KLHL29: variants seen among roughly 807,000 people sequenced by gnomAD.
The protein encoded by KLHL29 is kelch like family member 29.
KLHL29 carries 21 observed loss-of-function variants against 80.4 expected under a neutral mutation model. The ratio of observed to expected loss-of-function variants is 0.26; its 90% CI spans 0.19 to 0.38. The LOEUF (loss-of-function observed/expected upper bound fraction) is 0.38. KLHL29 is among the 10% of genes least tolerant of loss of function. The pLI, the probability that KLHL29 is intolerant of heterozygous loss-of-function variation, is 1.00. For missense variants in KLHL29, 867 were observed against 1,223.9 expected (o/e 0.71, Z 4.35); for synonymous variants, 511 against 526.8 (o/e 0.97, Z 0.41).
rs1671985053 is a variant in KLHL29, at chr2:23,696,741, G to A, written c.2105+228G>A. ...GTCACCTTTGCAGTCGCTGAGATGG[G>A]AGATGGGGCGCTTCTGTCCCGACAA... On this transcript the variant is annotated intron_variant, in intron 11 of 13. Coordinates refer to ENST00000486442, the MANE Select transcript of KLHL29 (RefSeq NM_052920.2). This position sits in a 1 kb window ranked among gnomAD's most constrained non-coding sequence, Gnocchi z 5.5. 4.2e-6 allele frequency: 2 copies of A among 481,106 alleles called. No homozygotes were observed. Among genetic ancestry groups the A allele is most frequent in the Non-Finnish European group, 7.3e-6 (2 of 274,074 alleles). The allele number at this position is 481,106 out of a possible 1,614,324, so 29.8% of individuals were successfully genotyped here.
At chr2:23,458,146 G>C (rs989373037) in intron 1 of KLHL29, among the ~76,000 whole-genome samples, 4 of 152,222 alleles carry the variant, frequency 2.6e-5, no homozygotes, top group African/African-American at 9.6e-5. Flanking sequence ...CCCCAGAGAG[G>C]GCCCGTTTGA....
At chr2:23,588,866 C>G (rs762577994) in intron 3 of KLHL29, among the ~76,000 whole-genome samples, 1 of 152,146 alleles carries the variant, frequency 6.6e-6, no homozygotes, top group South Asian at 2.1e-4. Flanking sequence ...TCCGGTTAAG[C>G]CTGCCGAGAG....
chr2:23,501,364 G>A (rs539938666), intron 2 of KLHL29, among the ~76,000 whole-genome samples: 18 of 152,176 alleles, frequency 1.2e-4, no homozygotes, highest in African/African-American at 4.1e-4. Flanking sequence ...CTGGTCCCGG[G>A]GAAAGAGGCT....
rs905546566 is a variant in KLHL29 at position 23,696,425 on chromosome 2, C to T, written c.2017C>T (p.Arg673Cys). 4 of 1,551,296 alleles carry T rather than the reference C, an allele frequency of 2.6e-6. No individual in the cohort carries two copies. Among genetic ancestry groups the T allele is most frequent in the Non-Finnish European group, 3.5e-6 (4 of 1,146,866 alleles). The change falls in exon 11 of 14, where the codon CGC (arginine) becomes TGC (cysteine). Residue 673 changes from arginine to cysteine, a missense_variant. Coordinates refer to ENST00000486442, the MANE Select transcript of KLHL29 (RefSeq NM_052920.2). This position sits in a 1 kb window ranked among gnomAD's most constrained non-coding sequence, Gnocchi z 5.5. ...WNLVSRMTVP[R>C]CRHNSLVYDG... ...CCTCGTCTCCAGAATGACAGTCCCC[C>T]GCTGTCGGCACAATAGCCTCGTCTA...
rs1311508604 is a variant in KLHL29 at position 23,695,593 on chromosome 2, TAAG to T, written c.1543-25_1543-23del. ...GGGAGGTGGCTCTCTCTTGCTAGTC[TAAG>T]AAGATTCTGTCTCCTGTACCCTGCA... On this transcript the variant is annotated intron_variant, in intron 8 of 13. Coordinates refer to ENST00000486442, the MANE Select transcript of KLHL29 (RefSeq NM_052920.2). This position sits in a 1 kb window ranked among gnomAD's most constrained non-coding sequence, Gnocchi z 7.6. 17 of 1,496,026 alleles carry T rather than the reference TAAG, an allele frequency of 1.1e-5. No homozygotes were observed. Among genetic ancestry groups the T allele is most frequent in the Admixed American group, 2.2e-5 (1 of 45,670 alleles). The allele number at this position is 1,496,026 out of a possible 1,614,324, so 92.7% of individuals were successfully genotyped here. A position where few individuals can be genotyped will look rare whatever the true frequency, so the allele number is the denominator to read the frequency against.
At chr2:23,705,693 G>A (rs757948074) in intron 13 of KLHL29, among the ~76,000 whole-genome samples, 2 of 152,284 alleles carry the variant, frequency 1.3e-5, no homozygotes, top group South Asian at 2.1e-4. Flanking sequence ...TTTCAGAAAC[G>A]GGTGGAGCCT....
chr2:23,667,801 TC>T (rs1000694575), intron 5 of KLHL29: 10 of 152,594 alleles, frequency 6.6e-5, no homozygotes, highest in Admixed American at 5.9e-4. Context: ...CGAGGTGACT[TC>T]CAGGTTGACA....
chr2:23,658,001 C>T (rs1477664642), intron 5 of KLHL29, among the ~76,000 whole-genome samples: 3 of 152,122 alleles, frequency 2.0e-5, no homozygotes, highest in Admixed American at 6.5e-5. Context: ...GCTGGCTGTG[C>T]GTCTCAGCCC....
chr2:23,548,845 TC>T (rs963206087), intron 2 of KLHL29, among the ~76,000 whole-genome samples: 7 of 152,208 alleles, frequency 4.6e-5, no homozygotes, highest in African/African-American at 1.7e-4. Context: ...GATTGAGTCT[TC>T]CGGGGGCTAT....
intron 2 of KLHL29, among the ~76,000 whole-genome samples, chr2:23,527,939 C>G (rs1319262228): frequency 6.6e-6 from 1 of 152,192 alleles, no homozygotes; most frequent in Non-Finnish European, 1.5e-5. Context: ...GGCCCCCAGG[C>G]TACTGCAGAC....
At chr2:23,606,208 G>A (rs1407618215) in intron 3 of KLHL29, among the ~76,000 whole-genome samples, 5 of 151,934 alleles carry the variant, frequency 3.3e-5, no homozygotes, top group Non-Finnish European at 7.4e-5. Context: ...GAGGGAGAGA[G>A]AGAGAGAGGC....
intron 1 of KLHL29, among the ~76,000 whole-genome samples, chr2:23,461,119 C>T (rs908066407): frequency 6.6e-6 from 1 of 152,240 alleles, no homozygotes; most frequent in Non-Finnish European, 1.5e-5. Context: ...CTGTGTCCAG[C>T]ACTTTTTTGA....
At chr2:23,462,253 T>C (rs1476788435) in intron 1 of KLHL29, among the ~76,000 whole-genome samples, 1 of 152,058 alleles carries the variant, frequency 6.6e-6, no homozygotes, top group Non-Finnish European at 1.5e-5. Flanking sequence ...ATTGGCAGAG[T>C]TCTGGCAAAG....
intron 1 of KLHL29, among the ~76,000 whole-genome samples, chr2:23,454,530 AC>A (rs1663983376): frequency 6.6e-6 from 1 of 152,130 alleles, no homozygotes; most frequent in South Asian, 2.1e-4. Flanking sequence ...TTTTTGTATA[AC>A]TTTGATATAC....
chr2:23,684,514 G>A lies in KLHL29; in HGVS notation c.1056G>A (p.Leu352=), dbSNP rs1289691596. ...VHQNVLASCS[L]YFKDLIQRSV... ...AAAATGTTCTAGCTTCCTGCAGCTT[G>A]TATTTCAAGGACCTGATTCAAAGGT... Residue 352 remains leucine, a synonymous_variant, in exon 6 of 14, where the codon TTG becomes TTA. Transcript: ENST00000486442. This position sits in a 1 kb window ranked among gnomAD's most constrained non-coding sequence, Gnocchi z 4.4. The A allele has an allele frequency of 6.5e-7, 1 of 1,549,586 alleles. No individual in the cohort carries two copies. Among genetic ancestry groups the A allele is most frequent in the East Asian group, 2.4e-5 (1 of 40,870 alleles).
At chr2:23,436,218 A>G (rs1381520487) in intron 1 of KLHL29, among the ~76,000 whole-genome samples, 1 of 151,224 alleles carries the variant, frequency 6.6e-6, no homozygotes, top group Non-Finnish European at 1.5e-5. Context: ...GATGGTGCTG[A>G]GCATGTTGCT....
At chr2:23,451,107 T>C (rs1417221094) in intron 1 of KLHL29, among the ~76,000 whole-genome samples, 3 of 152,220 alleles carry the variant, frequency 2.0e-5, no homozygotes, top group Non-Finnish European at 4.4e-5. Flanking sequence ...AAGTTTGTCT[T>C]TGAAGCCAGA....
At chr2:23,430,165 T>A (rs1288908120) in intron 1 of KLHL29, among the ~76,000 whole-genome samples, 2 of 152,176 alleles carry the variant, frequency 1.3e-5, no homozygotes, top group Non-Finnish European at 2.9e-5. Flanking sequence ...TTGTTAAACC[T>A]ATTCCTGGGC....
At chr2:23,487,870 C>G (rs796943466) in intron 2 of KLHL29, among the ~76,000 whole-genome samples, 23 of 152,320 alleles carry the variant, frequency 1.5e-4, no homozygotes, top group African/African-American at 5.5e-4. Flanking sequence ...TGTCACACAT[C>G]TGGAATGTTG....
Sources: allele counts gnomAD v4.1 joint callset (sites outside exome capture counted in the v4.1 genomes callset), GRCh38; gene constraint gnomAD v4.1.1; non-coding constraint Gnocchi (gnomAD v3.1); transcripts MANE v1.5; gene names NCBI Gene and HGNC (gene_info 2026-07-23, HGNC 2026-07-21).